Variants in STAG1 observed in about 807,000 individuals in gnomAD.
STAG1 encodes cohesin subunit SA-1.
A neutral mutation model predicts 170.9 loss-of-function variants in STAG1; 26 were observed. The observed-to-expected ratio is 0.15, with a 90% CI of 0.11 to 0.21. STAG1 has a LOEUF of 0.21. Ranked by LOEUF, STAG1 falls within the 10% of genes least tolerant of loss-of-function variation. The probability of loss-of-function intolerance (pLI) is 1.00; values close to 1 mark genes in which losing one functional copy is unlikely to be tolerated. For missense variants in STAG1, 964 were observed against 1,509.5 expected (o/e 0.64, Z 5.99); for synonymous variants, 514 against 497.7 (o/e 1.03, Z -0.44).
At chr3:136,353,487 A>C (rs1462622840) in intron 28 of STAG1, among the ~76,000 whole-genome samples, 2 of 152,250 alleles carry the variant, frequency 1.3e-5, no homozygotes, top group African/African-American at 2.4e-5. Flanking sequence ...ACTACATACA[A>C]AGAAAATCCA....
intron 9 of STAG1, among the ~76,000 whole-genome samples, chr3:136,489,874 G>A (rs924060988): frequency 1.3e-5 from 2 of 152,106 alleles, no homozygotes; most frequent in Admixed American, 1.3e-4. Flanking sequence ...GAACACAGAA[G>A]CACGTAAAAT....
At chr3:136,462,348 T>C (rs1224289521) in intron 13 of STAG1, among the ~76,000 whole-genome samples, 1 of 152,166 alleles carries the variant, frequency 6.6e-6, no homozygotes, top group South Asian at 2.1e-4. Flanking sequence ...CACAATGGAA[T>C]ACTATTTAGC....
intron 7 of STAG1, among the ~76,000 whole-genome samples, chr3:136,509,500 C>A (rs181511993): frequency 6.6e-6 from 1 of 151,038 alleles, no homozygotes; most frequent in African/African-American, 2.4e-5. Context: ...GGTTTTCCTA[C>A]GGAATATGAA....
intron 21 of STAG1, among the ~76,000 whole-genome samples, chr3:136,405,873 CTAAAG>C (rs947632263): frequency 4.1e-5 from 6 of 144,792 alleles, no homozygotes; most frequent in Non-Finnish European, 7.5e-5. Context: ...AGAAGGATGG[CTAAAG>C]TAAAGATTAT....
chr3:136,697,348 A>C (rs1209506782), intron 1 of STAG1, among the ~76,000 whole-genome samples: 1 of 152,208 alleles, frequency 6.6e-6, no homozygotes, highest in Non-Finnish European at 1.5e-5. Flanking sequence ...CATCAACTGC[A>C]AGTTGTTCGA....
intron 6 of STAG1, among the ~76,000 whole-genome samples, chr3:136,541,537 T>TTCACACACACACACACAC (rs1491248535): frequency 0.02 from 1,007 of 50,880 alleles, 16 homozygotes; most frequent in African/African-American, 0.046. Context: ...AAGCTTAACA[T>TTCACACACACACACACAC]TCACACACAC....
intron 1 of STAG1, among the ~76,000 whole-genome samples, chr3:136,651,832 A>G (rs989453848): frequency 2.0e-5 from 3 of 152,200 alleles, no homozygotes; most frequent in Admixed American, 6.5e-5. Context: ...TACTTCCATG[A>G]CATCCTAAGC....
chr3:136,631,139 C>A (rs1429571485), intron 1 of STAG1, among the ~76,000 whole-genome samples, 158 bp from the exon 2 acceptor site: 1 of 152,148 alleles, frequency 6.6e-6, no homozygotes, highest in African/African-American at 2.4e-5. Context: ...CAGTTTTATT[C>A]ATAACTGCCA....
intron 20 of STAG1, among the ~76,000 whole-genome samples, chr3:136,418,735 G>A (rs1434664595): frequency 1.4e-4 from 21 of 151,614 alleles, no homozygotes; most frequent in Admixed American, 3.3e-4. Flanking sequence ...TCCGCCTCCC[G>A]GGTTCAAGAG....
chr3:136,642,647 C>G, intron 1 of STAG1, among the ~76,000 whole-genome samples: 1 of 152,268 alleles, frequency 6.6e-6, no homozygotes, highest in East Asian at 1.9e-4. Flanking sequence ...TAATTTCTCC[C>G]TTTATCTTTT....
chr3:136,372,326 T>G (rs1937387288), intron 23 of STAG1, among the ~76,000 whole-genome samples: 1 of 152,196 alleles, frequency 6.6e-6, no homozygotes, highest in Non-Finnish European at 1.5e-5. Flanking sequence ...TTTTCCTAAC[T>G]GAATGCCCTT....
At chr3:136,588,343 G>C (rs1937950153) in intron 4 of STAG1, among the ~76,000 whole-genome samples, 1 of 151,874 alleles carries the variant, frequency 6.6e-6, no homozygotes. Flanking sequence ...TTGGGCTTTT[G>C]TTTTTGTTTT....
At chr3:136,490,609 T>C (rs1190734792) in intron 9 of STAG1, among the ~76,000 whole-genome samples, 1 of 152,182 alleles carries the variant, frequency 6.6e-6, no homozygotes, top group East Asian at 1.9e-4. Flanking sequence ...AATTAATATT[T>C]ACATTTTAAC....
At chr3:136,538,068 CTAAA>C (rs1258241909) in intron 6 of STAG1, among the ~76,000 whole-genome samples, 1 of 152,056 alleles carries the variant, frequency 6.6e-6, no homozygotes, top group African/African-American at 2.4e-5. Flanking sequence ...AGAACCATGT[CTAAA>C]TAAATACTGA....
At chr3:136,515,850 C>T (rs1175266289) in intron 7 of STAG1, among the ~76,000 whole-genome samples, 1 of 151,984 alleles carries the variant, frequency 6.6e-6, no homozygotes, top group African/African-American at 2.4e-5. Context: ...AACTATTGGG[C>T]ATTAATCCCA....
rs535039997 is a variant in STAG1, at chr3:136,450,933, GA to G, written c.1428+1099del. 3.3e-5 allele frequency among the ~76,000 whole-genome samples: 5 copies of G among 152,114 alleles called. No homozygotes were observed. The South Asian group carries it at 1.0e-3, about 32-fold the overall frequency. ...AGCTAATTTTTTTCTATTTTTAGTAGAGACGGACTTTTGCTATATTAGCCAG... is the reference window on the plus strand; with the variant it reads ...AGCTAATTTTTTTCTATTTTTAGTAGGACGGACTTTTGCTATATTAGCCAG... On this transcript the variant is annotated intron_variant, in intron 14 of 33. Transcript: ENST00000383202.
At chr3:136,518,587 G>A (rs1221943889) in intron 7 of STAG1, among the ~76,000 whole-genome samples, 1 of 152,124 alleles carries the variant, frequency 6.6e-6, no homozygotes, top group Non-Finnish European at 1.5e-5. Flanking sequence ...AAGGGTAGGT[G>A]ACTGCTATGT....
intron 12 of STAG1, among the ~76,000 whole-genome samples, chr3:136,468,229 GA>G (rs2089524801): frequency 1.3e-5 from 2 of 152,018 alleles, no homozygotes; most frequent in South Asian, 2.1e-4. Flanking sequence ...CTCGTTTTTT[GA>G]AAAGATCAAC....
At chr3:136,702,257 T>G (rs771317247) in intron 1 of STAG1, among the ~76,000 whole-genome samples, 28 of 152,156 alleles carry the variant, frequency 1.8e-4, no homozygotes, top group Non-Finnish European at 3.5e-4. Context: ...AAAGTGCTTT[T>G]ACATTTATTT....
Sources: gnomAD v4.1 joint callset for allele counts (sites outside exome capture counted in the v4.1 genomes callset) on GRCh38, gnomAD v4.1.1 for gene constraint, MANE v1.5 for transcripts, NCBI Gene and HGNC (gene_info 2026-07-23, HGNC 2026-07-21) for gene names.